The following DPP6 variants were observed in gnomAD, a reference collection of about 807,000 sequenced individuals.
The protein encoded by DPP6 is dipeptidyl peptidase like 6, also known as A-type potassium channel modulatory protein DPP6.
DPP6 carries 69 observed loss-of-function variants against 122.6 expected under a neutral mutation model. That is an observed-to-expected ratio of 0.56 (90% CI 0.46 to 0.69). The LOEUF is 0.69. Among genes scored for constraint, DPP6 ranks in the 30% least tolerant of loss-of-function variants. The probability of loss-of-function intolerance (pLI) is 0.00; values close to 1 mark genes in which losing one functional copy is unlikely to be tolerated. For synonymous variants in DPP6, 418 were observed against 433.1 expected (o/e 0.97, Z 0.43); for missense variants, 928 against 1,116.9 (o/e 0.83, Z 2.41).
intron 1 of DPP6, among the ~76,000 whole-genome samples, chr7:154,182,040 C>T (rs1021918763): frequency 1.3e-5 from 2 of 152,090 alleles, no homozygotes; most frequent in African/African-American, 4.8e-5. Context: ...GTGTGTGCCA[C>T]CGTGCCTGGC....
chr7:154,128,436 C>G (rs1808096185), intron 1 of DPP6, among the ~76,000 whole-genome samples: 1 of 152,212 alleles, frequency 6.6e-6, no homozygotes, highest in South Asian at 2.1e-4. Context: ...GAGTCTCGCC[C>G]TATCACCCAG....
chr7:154,059,096 AC>A (rs1409718055), intron 1 of DPP6: 1 of 88,194 alleles, frequency 1.1e-5, no homozygotes. Context: ...GCTCTTAGGA[AC>A]CCCATCGCAG....
chr7:153,775,687 A>G, the DPP6 span, among the ~76,000 whole-genome samples: 2 of 152,160 alleles, frequency 1.3e-5, no homozygotes, highest in African/African-American at 4.8e-5. Flanking sequence ...AAAACCCGAG[A>G]AATCCACAAA....
At chr7:154,736,359 T>A (rs988953121) in intron 8 of DPP6, among the ~76,000 whole-genome samples, 1 of 152,234 alleles carries the variant, frequency 6.6e-6, no homozygotes, top group Non-Finnish European at 1.5e-5. Flanking sequence ...CCTGTTGTCA[T>A]AGCAAAACAG....
intron 1 of DPP6, among the ~76,000 whole-genome samples, chr7:154,417,997 C>A (rs1265512695): frequency 6.6e-6 from 1 of 152,226 alleles, no homozygotes. Context: ...CTTTGATAAA[C>A]AATTACCACC....
chr7:153,897,270 C>G (rs1799453399), intron 1 of DPP6, among the ~76,000 whole-genome samples: 2 of 152,152 alleles, frequency 1.3e-5, no homozygotes, highest in African/African-American at 4.8e-5. Context: ...TGTATTCTTT[C>G]AGAAATTATC....
intron 1 of DPP6, among the ~76,000 whole-genome samples, chr7:154,172,735 G>A (rs1463380040): frequency 6.6e-6 from 1 of 151,692 alleles, no homozygotes; most frequent in African/African-American, 2.4e-5. Context: ...CGAGTAGCTG[G>A]GACTACAGGT....
At chr7:154,684,222 T>C (rs932845231) in intron 7 of DPP6, among the ~76,000 whole-genome samples, 2 of 151,750 alleles carry the variant, frequency 1.3e-5, no homozygotes, top group Admixed American at 6.6e-5. Context: ...TCCCTGAAGA[T>C]TGGGCTTGAG....
intron 18 of DPP6, among the ~76,000 whole-genome samples, chr7:154,872,230 T>C (rs1804457915): frequency 6.6e-6 from 1 of 152,182 alleles, no homozygotes; most frequent in Non-Finnish European, 1.5e-5. Context: ...TGCTCCCAAA[T>C]ATCCATCCCC....
At chr7:154,749,721 C>A (rs35315390) in intron 8 of DPP6, among the ~76,000 whole-genome samples, 774 of 11,328 alleles carry the variant, frequency 0.068, 4 homozygotes, top group African/African-American at 0.16. Context: ...CTTTACTGAG[C>A]GAGGGTGAGA....
intron 7 of DPP6, among the ~76,000 whole-genome samples, chr7:154,671,153 C>T (rs76305931): frequency 0.12 from 18,253 of 152,188 alleles, 1,181 homozygotes; most frequent in African/African-American, 0.16. Context: ...AGGACTGATG[C>T]GCAACTGAAT....
chr7:154,637,877 A>G lies in DPP6; in HGVS notation c.680+4A>G. On this transcript the variant is annotated splice_donor_region_variant and intron_variant, in intron 6 of 25. Coordinates refer to ENST00000377770, the MANE Select transcript of DPP6 (RefSeq NM_130797.4). ...TCCTGAGCAAAATTCCTCATGGGTA[A>G]GAGTGTTCTTTTCTTTCTTTTAATT... The G allele has an allele frequency of 6.4e-7, 1 of 1,570,610 alleles. No homozygotes were observed. The highest frequency in any genetic ancestry group is 8.7e-7 in the Non-Finnish European group (1 of 1,155,830).
intron 1 of DPP6, among the ~76,000 whole-genome samples, chr7:154,125,803 C>T (rs1214412141): frequency 6.6e-6 from 1 of 152,142 alleles, no homozygotes; most frequent in Non-Finnish European, 1.5e-5. Flanking sequence ...GTTAATGGGC[C>T]ACAAACAGAT....
At chr7:154,699,740 C>A (rs897187771) in intron 7 of DPP6, among the ~76,000 whole-genome samples, 2 of 152,354 alleles carry the variant, frequency 1.3e-5, no homozygotes, top group Non-Finnish European at 2.9e-5. Flanking sequence ...CTTGGAGAAG[C>A]CCTGGCATGA....
chr7:153,847,998 G>A, the DPP6 span, among the ~76,000 whole-genome samples: 1 of 152,068 alleles, frequency 6.6e-6, no homozygotes, highest in Non-Finnish European at 1.5e-5. Context: ...CACGTGTACT[G>A]GGAACCTTGC....
chr7:154,790,728 T>C (rs1159534719), intron 10 of DPP6, among the ~76,000 whole-genome samples: 1 of 151,800 alleles, frequency 6.6e-6, no homozygotes, highest in Non-Finnish European at 1.5e-5. Flanking sequence ...TGGGTCCACA[T>C]TTAACTGTCC....
At chr7:154,173,582 C>T (rs1046369909) in intron 1 of DPP6, among the ~76,000 whole-genome samples, 3 of 152,116 alleles carry the variant, frequency 2.0e-5, no homozygotes, top group Admixed American at 6.5e-5. Flanking sequence ...TTCCACCTCC[C>T]GCTGCTCCCT....
intron 5 of DPP6, among the ~76,000 whole-genome samples, chr7:154,622,107 T>C (rs1219740940): frequency 6.6e-6 from 1 of 152,204 alleles, no homozygotes; most frequent in Non-Finnish European, 1.5e-5. Flanking sequence ...TGCCAGGCAG[T>C]AGGATCACTC....
chr7:154,841,163 G>C (rs1350558655), intron 16 of DPP6, among the ~76,000 whole-genome samples: 1 of 152,170 alleles, frequency 6.6e-6, no homozygotes, highest in Non-Finnish European at 1.5e-5. Context: ...CATACCAGGA[G>C]CTGCGAGAAG....
Sources: gnomAD v4.1 joint callset for allele counts (sites outside exome capture counted in the v4.1 genomes callset) on GRCh38, gnomAD v4.1.1 for gene constraint, MANE v1.5 for transcripts, NCBI Gene and HGNC (gene_info 2026-07-23, HGNC 2026-07-21) for gene names.